ZNF454: variants seen among roughly 807,000 people sequenced by gnomAD.
ZNF454 encodes the protein zinc finger protein 454.
Under a neutral mutation model 48.2 loss-of-function variants are expected in ZNF454, and 30 were observed. That is an observed-to-expected ratio of 0.62 (90% CI 0.47 to 0.84). ZNF454 has a LOEUF of 0.84. ZNF454 is among the 40% of genes least tolerant of loss of function. ZNF454 has a pLI of 0.00. For synonymous variants in ZNF454, 204 were observed against 211.4 expected (o/e 0.97, Z 0.30); for missense variants, 510 against 623.1 (o/e 0.82, Z 1.93).
the ZNF454 span, chr5:178,983,266 A>G: frequency 6.5e-7 from 1 of 1,543,344 alleles, no homozygotes; most frequent in Non-Finnish European, 8.9e-7. Flanking sequence ...TTCCAGGGAC[A>G]AATCCATTCC....
rs529693222 is a variant in ZNF454, at chr5:178,942,214, A to G, written c.-107-471A>G. Among the ~76,000 whole-genome samples, 129 of 152,244 alleles carry G rather than the reference A, an allele frequency of 8.5e-4. 1 individual carries two copies. The highest frequency in any genetic ancestry group is 2.7e-3 in the African/African-American group (113 of 41,562). ...AGGTCCGGAGTTCGAGACCAGTCCG[A>G]CCAACATGGTGAAATCCCGGTCTCT... On this transcript the variant is annotated intron_variant, in intron 1 of 4. Coordinates refer to ENST00000519564, the MANE Select transcript of ZNF454 (RefSeq NM_001178089.3).
intron 4 of ZNF454, among the ~76,000 whole-genome samples, chr5:178,957,390 T>TTTTTATTTTTATTTTTTA (rs1759816065): frequency 6.6e-6 from 1 of 151,964 alleles, no homozygotes; most frequent in African/African-American, 2.4e-5. Context: ...AAAACCATCT[T>TTTTTATTTTTATTTTTTA]TTTTATTTTT....
chr5:178,983,095 G>C, the ZNF454 span: 1 of 1,614,108 alleles, frequency 6.2e-7, no homozygotes, highest in Non-Finnish European at 8.5e-7. Context: ...CAGCCGATGA[G>C]AGACAGATCC....
At position 178,941,273 on chromosome 5, in the gene ZNF454, G is replaced by A; in HGVS notation, c.-279G>A. On this transcript the variant is annotated 5_prime_UTR_variant, in exon 1 of 5. Coordinates refer to ENST00000519564, the MANE Select transcript of ZNF454 (RefSeq NM_001178089.3). This position sits in a 1 kb window ranked among gnomAD's most constrained non-coding sequence, Gnocchi z 5.5. ...CTTGCGATCTCTCGCCGCCGGCAGAGGCTCCTCGAAGAGCGACACGGGGCT... is the reference window on the plus strand; with the variant it reads ...CTTGCGATCTCTCGCCGCCGGCAGAAGCTCCTCGAAGAGCGACACGGGGCT... 2.5e-6 allele frequency: 1 copy of A among 405,742 alleles called. No homozygotes were observed. Among genetic ancestry groups the A allele is most frequent in the Non-Finnish European group, 5.0e-6 (1 of 200,474 alleles). 25.1% of individuals were successfully genotyped at this position (405,742 alleles called of 1,614,324 possible).
chr5:178,946,524 G>A lies in ZNF454; in HGVS notation c.160+39G>A, dbSNP rs780382228. ...CTGCAAGGTTTCTCTTCACTTTTGG[G>A]GATCTCTTTGGGACCCTTACATTGA... On this transcript the variant is annotated intron_variant, in intron 3 of 4. Transcript: ENST00000519564. The surrounding 1 kb of genome is among the most constrained non-coding windows in gnomAD (Gnocchi z 4.5). 1 of 1,568,326 alleles carries A rather than the reference G, an allele frequency of 6.4e-7. No homozygotes were observed. Among genetic ancestry groups the A allele is most frequent in the South Asian group, 1.2e-5 (1 of 84,330 alleles).
chr5:178,942,485 A>G, intron 1 of ZNF454, 200 bp from the exon 2 acceptor site: 1 of 339,716 alleles, frequency 2.9e-6, no homozygotes. Flanking sequence ...GGTGGAAGGC[A>G]TGAGAACTGG....
chr5:178,951,486 G>A (rs1759555231), intron 4 of ZNF454, among the ~76,000 whole-genome samples: 1 of 152,104 alleles, frequency 6.6e-6, no homozygotes, highest in Non-Finnish European at 1.5e-5. Flanking sequence ...TGCCACAGAC[G>A]TCTATAGATC....
intron 2 of ZNF454, among the ~76,000 whole-genome samples, chr5:178,945,367 G>A (rs1299041140): frequency 6.6e-6 from 1 of 151,518 alleles, no homozygotes; most frequent in Non-Finnish European, 1.5e-5. Context: ...TTGTGTGTGT[G>A]TGTCTCTGTG....
intron 4 of ZNF454, among the ~76,000 whole-genome samples, chr5:178,953,936 G>A (rs938635474): frequency 4.6e-5 from 7 of 152,088 alleles, no homozygotes; most frequent in African/African-American, 1.7e-4. Flanking sequence ...TGAGCCTTTG[G>A]CTGAGCATTT....
the ZNF454 span, among the ~76,000 whole-genome samples, chr5:178,988,522 C>T: frequency 1.3e-5 from 2 of 152,236 alleles, no homozygotes; most frequent in African/African-American, 2.4e-5. This position sits in a 1 kb window ranked among gnomAD's most constrained non-coding sequence, Gnocchi z 6.0. Context: ...GTCAGACCCA[C>T]GCCTGTGCCT....
chr5:178,953,048 C>T (rs571369715), intron 4 of ZNF454, among the ~76,000 whole-genome samples: 1 of 152,282 alleles, frequency 6.6e-6, no homozygotes, highest in South Asian at 2.1e-4. Context: ...GTAGCCACTC[C>T]CTCTTCTTTT....
chr5:178,986,151 G>A, the ZNF454 span: 2 of 1,613,796 alleles, frequency 1.2e-6, no homozygotes, highest in Admixed American at 1.7e-5. Flanking sequence ...TGAGGCTGAA[G>A]GTGATGACCA....
chr5:178,965,216 C>T lies in ZNF454; in HGVS notation c.812C>T (p.Pro271Leu). Residue 271 changes from proline (P) to leucine (L), a missense_variant, in exon 5 of 5, where the codon CCT becomes CTT. Transcript: ENST00000519564. This position sits in a 1 kb window ranked among gnomAD's most constrained non-coding sequence, Gnocchi z 5.2. ...YHQKIHTGEK[P>L]FECNLCGKAF... ...CAGAAAATTCATACTGGAGAGAAGC[C>T]TTTTGAATGCAACTTATGTGGAAAA... is the stretch of plus-strand genomic sequence containing the variant. 4 of 1,614,118 alleles carry T rather than the reference C, an allele frequency of 2.5e-6. No homozygotes were observed. Among genetic ancestry groups the T allele is most frequent in the East Asian group, 2.2e-5 (1 of 44,884 alleles).
the ZNF454 span, among the ~76,000 whole-genome samples, chr5:178,971,567 C>T: frequency 5.3e-5 from 8 of 151,830 alleles, no homozygotes; most frequent in Admixed American, 2.6e-4. Flanking sequence ...TGGCCAGCCC[C>T]GGCTGGGCGC....
chr5:178,943,175 G>A (rs1392202931), intron 2 of ZNF454, among the ~76,000 whole-genome samples: 21 of 152,192 alleles, frequency 1.4e-4, no homozygotes. Flanking sequence ...AATATCTGAG[G>A]CTGGGGAATT....
chr5:178,973,723 G>A, the ZNF454 span, among the ~76,000 whole-genome samples: 1 of 151,794 alleles, frequency 6.6e-6, no homozygotes, highest in Non-Finnish European at 1.5e-5. Flanking sequence ...GGCGCCTGTA[G>A]TCCCAGCTAC....
chr5:178,951,602 C>T (rs535962817), intron 4 of ZNF454, among the ~76,000 whole-genome samples: 71 of 152,198 alleles, frequency 4.7e-4, no homozygotes, highest in Non-Finnish European at 8.2e-4. Context: ...TGTTGAGGCA[C>T]GTAGCTCTAG....
In ZNF454 at chr5:178,965,210, A is replaced by G. The variant is rs772456798; in HGVS notation, c.806A>G (p.Glu269Gly). ...LTYHQKIHTG[E>G]KPFECNLCGK... ...TACCATCAGAAAATTCATACTGGAGAGAAGCCTTTTGAATGCAACTTATGT... is the reference window on the plus strand; with the variant it reads ...TACCATCAGAAAATTCATACTGGAGGGAAGCCTTTTGAATGCAACTTATGT... The change falls in exon 5 of 5, where the codon GAG becomes GGG. Residue 269 changes from glutamate to glycine, a missense_variant. By Grantham distance (98) the Glu-to-Gly change is moderately conservative. Coordinates refer to ENST00000519564, the MANE Select transcript of ZNF454 (RefSeq NM_001178089.3). The surrounding 1 kb of genome is among the most constrained non-coding windows in gnomAD (Gnocchi z 5.2). 6 of 1,614,084 alleles carry G rather than the reference A, an allele frequency of 3.7e-6. No individual in the cohort carries two copies. The East Asian group carries it at 1.3e-4, about 36-fold the overall frequency.
the ZNF454 span, among the ~76,000 whole-genome samples, chr5:178,982,247 C>T: frequency 2.0e-5 from 3 of 152,182 alleles, no homozygotes; most frequent in Non-Finnish European, 2.9e-5. Context: ...ATAAATGATG[C>T]AGCAATGGGC....
Sources: gnomAD v4.1 joint callset for allele counts (sites outside exome capture counted in the v4.1 genomes callset) on GRCh38, gnomAD v4.1.1 for gene constraint, Gnocchi (gnomAD v3.1) non-coding constraint, MANE v1.5 for transcripts, NCBI Gene and HGNC (gene_info 2026-07-23, HGNC 2026-07-21) for gene names.